The following GAP43 variants were observed in gnomAD, a reference collection of about 807,000 sequenced individuals.
GAP43 encodes neuromodulin.
GAP43 carries 6 observed loss-of-function variants against 18.6 expected under a neutral mutation model. The ratio of observed to expected loss-of-function variants is 0.32; its 90% confidence interval spans 0.18 to 0.64. The LOEUF is 0.64. Among genes scored for constraint, GAP43 ranks in the 30% least tolerant of loss-of-function variants. GAP43 has a pLI of 0.78. For missense variants in GAP43, 292 were observed against 295.5 expected, an observed-to-expected ratio of 0.99 and a Z score of 0.09; for synonymous variants, 115 against 111.4, an observed-to-expected ratio of 1.03 and a Z score of -0.20.
At chr3:115,641,948 C>G (rs148404906) in intron 1 of GAP43, among the ~76,000 whole-genome samples, 1 of 151,996 alleles carries the variant, frequency 6.6e-6, no homozygotes, top group African/African-American at 2.4e-5. Flanking sequence ...CTCTGAAACC[C>G]CCTGTTGAAG....
intron 1 of GAP43, among the ~76,000 whole-genome samples, chr3:115,640,847 A>G (rs919915616): frequency 6.6e-6 from 1 of 151,834 alleles, no homozygotes; most frequent in Non-Finnish European, 1.5e-5. Flanking sequence ...TTTTATTACC[A>G]CCTAACAATA....
intron 1 of GAP43, chr3:115,661,185 T>TTGCAGCTGGGAG (rs1372018295): frequency 6.6e-6 from 1 of 152,188 alleles, no homozygotes; most frequent in Non-Finnish European, 1.5e-5. Flanking sequence ...TTGCACTCCC[T>TTGCAGCTGGGAG]TGCAGCTGGG....
At chr3:115,688,380 A>C (rs1709061586) in intron 2 of GAP43, among the ~76,000 whole-genome samples, 1 of 152,224 alleles carries the variant, frequency 6.6e-6, no homozygotes, top group African/African-American at 2.4e-5. Flanking sequence ...CTAATAATGC[A>C]GTAATATTTT....
chr3:115,685,269 A>G (rs1709019115), intron 2 of GAP43, among the ~76,000 whole-genome samples: 1 of 152,184 alleles, frequency 6.6e-6, no homozygotes, highest in South Asian at 2.1e-4. Context: ...GCTGCTCCCT[A>G]CTGAAAGCAG....
intron 2 of GAP43, among the ~76,000 whole-genome samples, chr3:115,713,029 T>C (rs879685991): frequency 1.3e-5 from 2 of 152,130 alleles, no homozygotes; most frequent in Non-Finnish European, 2.9e-5. Flanking sequence ...ATGTGAAACA[T>C]GGTAATGAAA....
At position 115,721,146 on chromosome 3, in the gene GAP43, T is replaced by C. The variant is rs1004011628; in HGVS notation, c.*264T>C. 1.7e-5 allele frequency: 4 copies of C among 239,268 alleles called. No individual in the cohort carries two copies. Among genetic ancestry groups the C allele is most frequent in the Non-Finnish European group, 2.5e-5 (3 of 121,062 alleles). The allele number at this position is 239,268 out of a possible 1,614,324, so 14.8% of individuals were successfully genotyped here. A position where few individuals can be genotyped will look rare whatever the true frequency, so the allele number is the denominator to read the frequency against. On this transcript the variant is annotated 3_prime_UTR_variant, in exon 3 of 3. Coordinates refer to ENST00000305124, the MANE Select transcript of GAP43 (RefSeq NM_002045.4). The stretch of plus-strand genomic sequence containing the variant: ...TGTTATGGCAAGTTTTTGGTAATGA[T>C]GATTCAATCATTTTGGGAAATTCTT...
At position 115,689,814 on chromosome 3, in the gene GAP43, A is replaced by T. The variant is rs142461216; in HGVS notation, c.628+13204A>T. ...GTGGGAGGAAAAAAAGCAGAAGAGG[A>T]CCAGAAATCGATCAGGGGAGGCAGA... On this transcript the variant is annotated intron_variant, in intron 2 of 2. Transcript: ENST00000305124. Among the ~76,000 whole-genome samples, 429 of 152,282 alleles carry T rather than the reference A, an allele frequency of 2.8e-3. 11 individuals are homozygous for T. The highest frequency in any genetic ancestry group is 0.025 in the Admixed American group (378 of 15,282).
intron 2 of GAP43, among the ~76,000 whole-genome samples, chr3:115,707,849 A>C (rs1191054579): frequency 6.6e-6 from 1 of 152,114 alleles, no homozygotes; most frequent in Non-Finnish European, 1.5e-5. Context: ...CAATATTTTT[A>C]AATTTACAAA....
intron 1 of GAP43, among the ~76,000 whole-genome samples, chr3:115,649,444 C>A (rs947475799): frequency 6.6e-6 from 1 of 151,932 alleles, no homozygotes; most frequent in Non-Finnish European, 1.5e-5. Flanking sequence ...TAAAAAGATG[C>A]TATTTTTCAA....
intron 2 of GAP43, among the ~76,000 whole-genome samples, chr3:115,716,712 AG>A (rs1171953908): frequency 0.38 from 24,251 of 64,398 alleles, 6,014 homozygotes; most frequent in East Asian, 0.59. Flanking sequence ...CTTTAATCTC[AG>A]ACAAATATAT....
chr3:115,719,797 T>C (rs1275551600), intron 2 of GAP43, among the ~76,000 whole-genome samples: 1 of 152,136 alleles, frequency 6.6e-6, no homozygotes, highest in Non-Finnish European at 1.5e-5. Context: ...CTAGGGGTGG[T>C]CTTGGGGGAC....
chr3:115,670,243 G>A lies in GAP43; in HGVS notation c.31-5770G>A, dbSNP rs367852290. 5.1e-5 allele frequency among the ~76,000 whole-genome samples: 7 copies of A among 137,198 alleles called. No individual in the cohort carries two copies. The East Asian group carries it at 1.3e-3, about 25-fold the overall frequency. 90.0% of individuals were successfully genotyped at this position (137,198 alleles called of 152,430 possible). On this transcript the variant is annotated intron_variant, in intron 1 of 2. Transcript: ENST00000305124. ...TTCCCACCTATGAGTGAGAATATGC[G>A]GTGTTTGGTTTTTTGTTCTTGCAAT...
intron 1 of GAP43, among the ~76,000 whole-genome samples, chr3:115,652,389 A>ATTTTTTTTTTTTTTT (rs1708531283): frequency 3.9e-5 from 1 of 25,590 alleles, no homozygotes; most frequent in African/African-American, 1.2e-4. Flanking sequence ...TTTTTTTGTG[A>ATTTTTTTTTTTTTTT]TAGAGTCTTG....
chr3:115,625,420 TAATA>T (rs1376112688), intron 1 of GAP43, among the ~76,000 whole-genome samples: 2 of 152,016 alleles, frequency 1.3e-5, no homozygotes, highest in African/African-American at 4.8e-5. Flanking sequence ...TATATAAATG[TAATA>T]AATACAGGTG....
At position 115,669,973 on chromosome 3, in the gene GAP43, T is replaced by A. The variant is rs981244040; in HGVS notation, c.31-6040T>A. Among the ~76,000 whole-genome samples the A allele has an allele frequency of 1.1e-4, 14 of 131,848 alleles. No homozygotes were observed. The East Asian group carries it at 2.3e-3, about 22-fold the overall frequency. The allele number at this position is 131,848 out of a possible 152,430, so 86.5% of individuals were successfully genotyped here. A position where few individuals can be genotyped will look rare whatever the true frequency, so the allele number is the denominator to read the frequency against. On this transcript the variant is annotated intron_variant, in intron 1 of 2. Coordinates refer to ENST00000305124, the MANE Select transcript of GAP43 (RefSeq NM_002045.4). ...TGCTTATTCATCTTTTTATTTTTAT[T>A]TTTTTTTTTTAATTTTTTTTTTAAT...
chr3:115,714,863 G>A (rs1038889344), intron 2 of GAP43, among the ~76,000 whole-genome samples: 5 of 138,044 alleles, frequency 3.6e-5, no homozygotes, highest in Non-Finnish European at 8.0e-5. Context: ...ATAGATACAC[G>A]TGTGCGCGTG....
At chr3:115,702,432 C>A (rs1251147951) in intron 2 of GAP43, among the ~76,000 whole-genome samples, 2 of 151,754 alleles carry the variant, frequency 1.3e-5, no homozygotes, top group African/African-American at 2.4e-5. Context: ...AAAACTAGAC[C>A]CAGAATGGCA....
intron 2 of GAP43, among the ~76,000 whole-genome samples, chr3:115,710,222 T>TTCTA (rs1439890562): frequency 2.0e-5 from 3 of 150,720 alleles, no homozygotes; most frequent in Non-Finnish European, 4.4e-5. Flanking sequence ...GGAAATCACA[T>TTCTA]TCTAAGTCAA....
At chr3:115,708,251 G>A (rs1709389427) in intron 2 of GAP43, among the ~76,000 whole-genome samples, 1 of 152,194 alleles carries the variant, frequency 6.6e-6, no homozygotes, top group Non-Finnish European at 1.5e-5. Context: ...ACTTCCATAT[G>A]AGAATGAAGT....
Sources: gnomAD v4.1 joint callset for allele counts (sites outside exome capture counted in the v4.1 genomes callset) on GRCh38, gnomAD v4.1.1 for gene constraint, MANE v1.5 for transcripts, NCBI Gene and HGNC (gene_info 2026-07-23, HGNC 2026-07-21) for gene names.